The following HGSNAT variants were observed in gnomAD, a reference collection of about 807,000 sequenced individuals.
HGSNAT encodes the protein transmembrane protein 76.
In HGSNAT, 59 loss-of-function variants were observed where a neutral mutation model predicts 85.2. That is an observed-to-expected ratio of 0.69 (90% confidence interval 0.56 to 0.86). The LOEUF (loss-of-function observed/expected upper bound fraction) is 0.86, where lower values mean the gene tolerates loss of function less well. Among genes scored for constraint, HGSNAT ranks in the 40% least tolerant of loss-of-function variants. The pLI, the probability that HGSNAT is intolerant of heterozygous loss-of-function variation, is 0.00. For missense variants in HGSNAT, 756 were observed against 777.1 expected, an observed-to-expected ratio of 0.97 and a Z score of 0.32; for synonymous variants, 321 against 304.5, an observed-to-expected ratio of 1.05 and a Z score of -0.56.
chr8:43,162,833 G>A (rs1040799713), intron 5 of HGSNAT, among the ~76,000 whole-genome samples: 2 of 151,948 alleles, frequency 1.3e-5, no homozygotes, highest in African/African-American at 4.8e-5. Context: ...GACTCCCAGA[G>A]TGCAGGGATT....
intron 1 of HGSNAT, among the ~76,000 whole-genome samples, chr8:43,144,224 C>G (rs1317689342): frequency 2.7e-5 from 4 of 150,426 alleles, no homozygotes; most frequent in African/African-American, 9.8e-5. Context: ...ACTTGGGAGG[C>G]TGAGGTGGGA....
At chr8:43,195,309 C>T (rs1352301482) in intron 14 of HGSNAT, among the ~76,000 whole-genome samples, 1 of 152,052 alleles carries the variant, frequency 6.6e-6, no homozygotes, top group African/African-American at 2.4e-5. Flanking sequence ...TTGATTCACA[C>T]ATATTTTATA....
At chr8:43,147,126 C>A in intron 2 of HGSNAT, 63 bp downstream of exon 2, 2 of 904,848 alleles carry the variant, frequency 2.2e-6, no homozygotes, top group Non-Finnish European at 3.5e-6. Context: ...ATCCTTAATG[C>A]TCTCATGTCT....
intron 12 of HGSNAT, among the ~76,000 whole-genome samples, 164 bp from the exon 13 acceptor site, chr8:43,192,140 T>G (rs1227276594): frequency 6.6e-6 from 1 of 152,056 alleles, no homozygotes; most frequent in African/African-American, 2.4e-5. Context: ...GTTGGCCAGG[T>G]TGGTCTCAAA....
intron 11 of HGSNAT, among the ~76,000 whole-genome samples, chr8:43,188,040 G>A (rs1207230863): frequency 6.6e-6 from 1 of 152,076 alleles, no homozygotes; most frequent in African/African-American, 2.4e-5. Context: ...TTCCCTTTAT[G>A]GGTAACCTGA....
rs1804558658 is a variant in HGSNAT, at chr8:43,192,231, G to A, written c.1251-73G>A. 9.2e-6 allele frequency: 14 copies of A among 1,522,952 alleles called. No individual in the cohort carries two copies. The South Asian group carries it at 1.6e-4, about 17-fold the overall frequency. The allele number at this position is 1,522,952 out of a possible 1,614,324, so 94.3% of individuals were successfully genotyped here. ...GCGTGAGCCACCGTGCCCGGCCTGA[G>A]GTTTTTTTATTCTTGTCCCTCTGTT... is the stretch of plus-strand genomic sequence containing the variant. On this transcript the variant is annotated intron_variant, in intron 12 of 17. Coordinates refer to ENST00000379644, the MANE Select transcript of HGSNAT (RefSeq NM_152419.3).
intron 14 of HGSNAT, among the ~76,000 whole-genome samples, chr8:43,195,616 T>G (rs1468994697): frequency 6.7e-3 from 174 of 25,934 alleles, no homozygotes; most frequent in South Asian, 0.013. Flanking sequence ...AAGGAGGGTG[T>G]GGAGGAGGAT....
chr8:43,162,860 A>T (rs527659760), intron 5 of HGSNAT, among the ~76,000 whole-genome samples: 2 of 151,856 alleles, frequency 1.3e-5, no homozygotes, highest in Admixed American at 1.3e-4. Context: ...ATGAGTCACC[A>T]CACCTGGTCA....
chr8:43,193,888 T>C, intron 14 of HGSNAT, 45 bp downstream of exon 14: 1 of 1,604,116 alleles, frequency 6.2e-7, no homozygotes, highest in Non-Finnish European at 8.5e-7. Flanking sequence ...CAATTTATGA[T>C]ATTTTATTCA....
chr8:43,196,500 T>C, intron 14 of HGSNAT: 7 of 1,290,024 alleles, frequency 5.4e-6, no homozygotes, highest in Non-Finnish European at 7.1e-6. Flanking sequence ...AGAATTCTCT[T>C]TGGGCCCTGC....
chr8:43,164,423 C>T (rs1389164874), intron 5 of HGSNAT, among the ~76,000 whole-genome samples: 1 of 151,892 alleles, frequency 6.6e-6, no homozygotes, highest in Non-Finnish European at 1.5e-5. Flanking sequence ...AGTTGGAGAG[C>T]AGTGGTGCCA....
chr8:43,176,800 T>C (rs1803827281), intron 9 of HGSNAT, among the ~76,000 whole-genome samples: 1 of 152,176 alleles, frequency 6.6e-6, no homozygotes, highest in South Asian at 2.1e-4. Flanking sequence ...TTTATTTTAT[T>C]TGTGGCAATT....
At chr8:43,159,706 C>T (rs1389063560) in intron 4 of HGSNAT, among the ~76,000 whole-genome samples, 2 of 152,188 alleles carry the variant, frequency 1.3e-5, no homozygotes, top group African/African-American at 4.8e-5. Flanking sequence ...AATTGACTGT[C>T]AAATATCTCT....
At chr8:43,196,551 T>G in intron 14 of HGSNAT, 1 of 1,277,886 alleles carries the variant, frequency 7.8e-7, no homozygotes, top group Non-Finnish European at 1.0e-6. Flanking sequence ...GTGCCCCTTC[T>G]CCTCCTTTCC....
chr8:43,158,899 C>G, intron 3 of HGSNAT, 24 bp from the exon 4 acceptor site: 1 of 1,593,586 alleles, frequency 6.3e-7, no homozygotes, highest in Non-Finnish European at 8.6e-7. Flanking sequence ...AACCACTTGT[C>G]TTAATTTTAC....
intron 14 of HGSNAT, chr8:43,196,103 C>T (rs1804718714): frequency 7.2e-6 from 2 of 278,336 alleles, no homozygotes; most frequent in Admixed American, 4.9e-5. Flanking sequence ...GGGTTTGTGT[C>T]CAGCTCTGCC....
intron 10 of HGSNAT, among the ~76,000 whole-genome samples, chr8:43,180,948 T>G (rs1586738267): frequency 6.9e-5 from 7 of 101,290 alleles, no homozygotes; most frequent in Non-Finnish European, 4.1e-5. Context: ...CGAAAACCAG[T>G]CAGGCGTGGC....
At chr8:43,140,906 C>T (rs1802503427) in intron 1 of HGSNAT, among the ~76,000 whole-genome samples, 2 of 152,200 alleles carry the variant, frequency 1.3e-5, no homozygotes, top group Admixed American at 1.3e-4. Flanking sequence ...CGTCCTGGCG[C>T]CTTCCGTCTA....
intron 5 of HGSNAT, among the ~76,000 whole-genome samples, chr8:43,167,429 A>G (rs1263842102): frequency 3.9e-5 from 6 of 152,348 alleles, no homozygotes; most frequent in African/African-American, 1.4e-4. Context: ...ATCAACATGG[A>G]GGCCAGATCC....
Sources: allele counts gnomAD v4.1 joint callset (sites outside exome capture counted in the v4.1 genomes callset), GRCh38; gene constraint gnomAD v4.1.1; transcripts MANE v1.5; gene names NCBI Gene and HGNC (gene_info 2026-07-23, HGNC 2026-07-21).